CUX2: variants seen among roughly 807,000 people sequenced by gnomAD.
CUX2 encodes the protein cut like homeobox 2, also known as homeobox protein cut-like 2.
A neutral mutation model predicts 144.8 loss-of-function variants in CUX2; 40 were observed. The ratio of observed to expected loss-of-function variants is 0.28; its 90% confidence interval spans 0.21 to 0.36. CUX2 has a LOEUF of 0.36. Ranked by LOEUF, CUX2 falls within the 10% of genes least tolerant of loss-of-function variation. The probability of loss-of-function intolerance (pLI) is 1.00; values close to 1 mark genes in which losing one functional copy is unlikely to be tolerated. For synonymous variants in CUX2, 827 were observed against 875.6 expected, an observed-to-expected ratio of 0.94 and a Z score of 0.98; for missense variants, 1,615 against 1,994.0, an observed-to-expected ratio of 0.81 and a Z score of 3.62.
At chr12:111,167,914 G>A (rs369204298) in intron 1 of CUX2, among the ~76,000 whole-genome samples, 6 of 152,028 alleles carry the variant, frequency 3.9e-5, no homozygotes, top group South Asian at 4.2e-4. Context: ...GGCTGGTCTC[G>A]AACTCCTGAC....
intron 1 of CUX2, among the ~76,000 whole-genome samples, chr12:111,122,851 C>G (rs1874774900): frequency 6.6e-6 from 1 of 152,188 alleles, no homozygotes; most frequent in Non-Finnish European, 1.5e-5. Flanking sequence ...ACTGACCCAC[C>G]CCGCCCTGTC....
rs962603482 is a variant in CUX2 at position 111,304,686 on chromosome 12, G to T, written c.858+372G>T. Reference sequence around the variant, plus strand: ...TTTCCAGATGCACCAGCAAAGACATGGGGGAGAGGGAGTTTGAGGCAATAC... The same window carrying T: ...TTTCCAGATGCACCAGCAAAGACATTGGGGAGAGGGAGTTTGAGGCAATAC... On this transcript the variant is annotated intron_variant, in intron 10 of 21. Coordinates refer to ENST00000261726, the MANE Select transcript of CUX2 (RefSeq NM_015267.4). The surrounding 1 kb of genome is among the most constrained non-coding windows in gnomAD (Gnocchi z 4.7). Among the ~76,000 whole-genome samples the T allele has an allele frequency of 1.3e-5, 2 of 152,166 alleles. No individual in the cohort carries two copies. The highest frequency in any genetic ancestry group is 1.3e-4 in the Admixed American group (2 of 15,274).
chr12:111,301,277 A>G (rs749432681), intron 9 of CUX2, among the ~76,000 whole-genome samples: 3 of 152,290 alleles, frequency 2.0e-5, no homozygotes, highest in South Asian at 2.1e-4. Context: ...GTTTGCCCCA[A>G]TTCTTACTCC....
At chr12:111,121,892 T>C (rs1207282347) in intron 1 of CUX2, among the ~76,000 whole-genome samples, 1 of 149,394 alleles carries the variant, frequency 6.7e-6, no homozygotes, top group Non-Finnish European at 1.5e-5. Context: ...CAAGAGCCCC[T>C]TCCACCGAGA....
At chr12:111,149,237 G>A (rs1228354050) in intron 1 of CUX2, among the ~76,000 whole-genome samples, 6 of 152,134 alleles carry the variant, frequency 3.9e-5, no homozygotes, top group South Asian at 2.1e-4. Flanking sequence ...ACACAAGCTC[G>A]TAAACTTTCT....
chr12:111,176,464 G>A (rs553525079), intron 1 of CUX2, among the ~76,000 whole-genome samples: 3 of 152,240 alleles, frequency 2.0e-5, no homozygotes, highest in African/African-American at 7.2e-5. Context: ...TGAAGCCTCA[G>A]TTTCCTCTTC....
At chr12:111,331,497 C>G (rs1049567445) in intron 18 of CUX2, among the ~76,000 whole-genome samples, 2 of 152,068 alleles carry the variant, frequency 1.3e-5, no homozygotes, top group Non-Finnish European at 2.9e-5. Flanking sequence ...ATGCTCCCAC[C>G]TTTCCTGGTT....
At chr12:111,237,185 AG>A in intron 3 of CUX2, among the ~76,000 whole-genome samples, 1 of 152,268 alleles carries the variant, frequency 6.6e-6, no homozygotes, top group East Asian at 1.9e-4. Context: ...AAGAGGCAAA[AG>A]TTTTCCAGCA....
chr12:111,283,396 T>A (rs1226670750), intron 4 of CUX2, among the ~76,000 whole-genome samples: 1 of 152,026 alleles, frequency 6.6e-6, no homozygotes, highest in Non-Finnish European at 1.5e-5. Flanking sequence ...CTGGAAGGTG[T>A]CACCAATGCC....
chr12:111,310,699 G>T lies in CUX2; in HGVS notation c.1900+17G>T. ...GGCAGCGAGGTGAGTGCCCAAGAGG[G>T]CCCGTCCCCGCTGGCCACCACGCCA... On this transcript the variant is annotated intron_variant, in intron 15 of 21. Coordinates refer to ENST00000261726, the MANE Select transcript of CUX2 (RefSeq NM_015267.4). The surrounding 1 kb of genome is among the most constrained non-coding windows in gnomAD (Gnocchi z 7.9). The T allele has an allele frequency of 1.3e-6, 2 of 1,565,254 alleles. No individual in the cohort carries two copies. The highest frequency in any genetic ancestry group is 2.4e-5 in the South Asian group (2 of 84,716).
chr12:111,169,420 C>T (rs1395483675), intron 1 of CUX2, among the ~76,000 whole-genome samples: 1 of 152,150 alleles, frequency 6.6e-6, no homozygotes, highest in Non-Finnish European at 1.5e-5. Flanking sequence ...TTCATCACAG[C>T]GTCCGTAGGA....
intron 1 of CUX2, among the ~76,000 whole-genome samples, chr12:111,070,513 G>T (rs1448037585): frequency 6.7e-6 from 1 of 149,946 alleles, no homozygotes; most frequent in Non-Finnish European, 1.5e-5. Flanking sequence ...GAGAGTTGCC[G>T]TATCCTCTCT....
At chr12:111,161,588 T>C (rs540731007) in intron 1 of CUX2, among the ~76,000 whole-genome samples, 194 of 152,310 alleles carry the variant, frequency 1.3e-3, no homozygotes, top group Non-Finnish European at 2.5e-3. Flanking sequence ...ATTACTCTCA[T>C]TGTACAGATG....
intron 1 of CUX2, among the ~76,000 whole-genome samples, chr12:111,079,537 C>T (rs1871748539): frequency 6.6e-6 from 1 of 152,072 alleles, no homozygotes; most frequent in African/African-American, 2.4e-5. Flanking sequence ...GTGTTTTCGG[C>T]TTGTCTTCCT....
intron 3 of CUX2, among the ~76,000 whole-genome samples, chr12:111,226,480 C>T (rs543084519): frequency 3.3e-5 from 5 of 152,332 alleles, no homozygotes; most frequent in African/African-American, 1.2e-4. Flanking sequence ...CTCTTTCATT[C>T]AGTATTATAT....
chr12:111,283,982 G>A (rs992015466), intron 4 of CUX2, among the ~76,000 whole-genome samples: 29 of 152,120 alleles, frequency 1.9e-4, no homozygotes, highest in Admixed American at 1.8e-3. Context: ...GGCTCATCCT[G>A]TCCAATCCTC....
rs1235161736 is a variant in CUX2 at position 111,061,678 on chromosome 12, G to A, written c.63+27438G>A. Among the ~76,000 whole-genome samples, 1 of 152,164 alleles carries A rather than the reference G, an allele frequency of 6.6e-6. No homozygotes were observed. Among genetic ancestry groups the A allele is most frequent in the African/African-American group, 2.4e-5 (1 of 41,434 alleles). On this transcript the variant is annotated intron_variant, in intron 1 of 21. Coordinates refer to ENST00000261726, the MANE Select transcript of CUX2 (RefSeq NM_015267.4). The surrounding 1 kb of genome is among the most constrained non-coding windows in gnomAD (Gnocchi z 4.2). ...TCATTTTGCTGTCTTTCGGACAAGC[G>A]TTTTACCTGCCCGATGTTCTGTGAA...
At chr12:111,135,031 A>G (rs959229364) in intron 1 of CUX2, among the ~76,000 whole-genome samples, 23 of 152,158 alleles carry the variant, frequency 1.5e-4, no homozygotes, top group African/African-American at 5.5e-4. Flanking sequence ...GTTGTGTACT[A>G]GAAAGATTGC....
chr12:111,207,709 A>C (rs1443537421), intron 1 of CUX2, among the ~76,000 whole-genome samples: 1 of 152,106 alleles, frequency 6.6e-6, no homozygotes, highest in African/African-American at 2.4e-5. Flanking sequence ...GGTGTAATAG[A>C]CTCTCAATAA....
Sources: gnomAD v4.1 joint callset for allele counts (sites outside exome capture counted in the v4.1 genomes callset) on GRCh38, gnomAD v4.1.1 for gene constraint, Gnocchi (gnomAD v3.1) non-coding constraint, MANE v1.5 for transcripts, NCBI Gene and HGNC (gene_info 2026-07-23, HGNC 2026-07-21) for gene names.